GAB2: variants seen among roughly 807,000 people sequenced by gnomAD.
GAB2 encodes GRB2 associated binding protein 2.
Under a neutral mutation model 65.5 loss-of-function variants are expected in GAB2, and 26 were observed. That is an observed-to-expected ratio of 0.40 (90% confidence interval 0.29 to 0.55). The LOEUF is 0.55. Among genes scored for constraint, GAB2 ranks in the 20% least tolerant of loss-of-function variants. The pLI is 0.53. For synonymous variants in GAB2, 321 were observed against 329.6 expected (o/e 0.97, Z 0.28); for missense variants, 884 against 875.8 (o/e 1.01, Z -0.12).
chr11:78,363,209 C>A (rs944686616), intron 1 of GAB2, among the ~76,000 whole-genome samples: 1 of 152,184 alleles, frequency 6.6e-6, no homozygotes, highest in Non-Finnish European at 1.5e-5. Context: ...TATTCAAACA[C>A]AGAAATGAGA....
chr11:78,279,070 T>C (rs1044792501), intron 2 of GAB2, among the ~76,000 whole-genome samples: 1 of 152,060 alleles, frequency 6.6e-6, no homozygotes, highest in Non-Finnish European at 1.5e-5. Context: ...ATGAAACCTA[T>C]AAATGACAAA....
chr11:78,318,380 A>AAAAAAAAAAT, intron 1 of GAB2, among the ~76,000 whole-genome samples: 1 of 148,360 alleles, frequency 6.7e-6, no homozygotes, highest in Admixed American at 6.7e-5. Flanking sequence ...AAAAAAAAAA[A>AAAAAAAAAAT]AAAAAAGCTG....
chr11:78,320,374 T>C (rs867078615), intron 1 of GAB2, among the ~76,000 whole-genome samples: 6 of 152,166 alleles, frequency 3.9e-5, no homozygotes, highest in Middle Eastern at 6.8e-3. Context: ...ATCAATATTA[T>C]GATCAAGGAA....
chr11:78,299,463 T>G (rs984649001), intron 1 of GAB2, among the ~76,000 whole-genome samples: 2 of 152,200 alleles, frequency 1.3e-5, no homozygotes, highest in Non-Finnish European at 2.9e-5. Context: ...CACATGAACA[T>G]GCGCACAAAG....
At chr11:78,382,908 CT>C (rs1856716238) in intron 1 of GAB2, among the ~76,000 whole-genome samples, 1 of 152,204 alleles carries the variant, frequency 6.6e-6, no homozygotes, top group South Asian at 2.1e-4. Context: ...GATAGAGGTT[CT>C]GGCCTCTCAG....
intron 1 of GAB2, among the ~76,000 whole-genome samples, chr11:78,347,785 TG>T (rs1401535781): frequency 4.6e-5 from 7 of 152,164 alleles, no homozygotes; most frequent in Non-Finnish European, 7.4e-5. Context: ...TCAAAGCTTT[TG>T]TTCCTCAAAT....
chr11:78,306,975 G>T (rs530891757), intron 1 of GAB2, among the ~76,000 whole-genome samples: 11 of 152,262 alleles, frequency 7.2e-5, no homozygotes, highest in African/African-American at 2.6e-4. Flanking sequence ...TTTTGAACAT[G>T]TATCTCTCAC....
intron 1 of GAB2, among the ~76,000 whole-genome samples, chr11:78,314,719 C>T (rs1268014740): frequency 6.6e-6 from 1 of 152,156 alleles, no homozygotes; most frequent in Non-Finnish European, 1.5e-5. Flanking sequence ...TACTTTAAAT[C>T]CCGGAAGGTA....
chr11:78,404,597 C>G (rs954696264), intron 1 of GAB2, among the ~76,000 whole-genome samples: 2 of 152,208 alleles, frequency 1.3e-5, no homozygotes, highest in Admixed American at 1.3e-4. Context: ...TGAAATCCTG[C>G]CATTCGTGGC....
intron 1 of GAB2, among the ~76,000 whole-genome samples, chr11:78,377,322 T>A (rs1454044566): frequency 6.6e-6 from 1 of 152,184 alleles, no homozygotes; most frequent in Non-Finnish European, 1.5e-5. Flanking sequence ...GCTGCCTTCT[T>A]GCTGTGTCCT....
chr11:78,336,504 CTT>C, intron 1 of GAB2, among the ~76,000 whole-genome samples: 1 of 120,482 alleles, frequency 8.3e-6, no homozygotes. Context: ...TTGGTGAAGT[CTT>C]TAGGTTTTTC....
intron 2 of GAB2, among the ~76,000 whole-genome samples, chr11:78,267,459 G>A (rs1036781150): frequency 1.5e-4 from 23 of 152,130 alleles, no homozygotes; most frequent in African/African-American, 4.1e-4. Flanking sequence ...TTTAGAAATG[G>A]ACACATGGGG....
At chr11:78,321,370 A>G (rs1284980051) in intron 1 of GAB2, among the ~76,000 whole-genome samples, 1 of 152,100 alleles carries the variant, frequency 6.6e-6, no homozygotes, top group African/African-American at 2.4e-5. Context: ...GCTTACCTCT[A>G]TTACCGATGG....
At chr11:78,220,197 G>A in intron 9 of GAB2, 122 bp downstream of exon 9, 1 of 958,402 alleles carries the variant, frequency 1.0e-6, no homozygotes. Flanking sequence ...ATAAAAGCTG[G>A]GTACTGGAGC....
chr11:78,220,179 G>T (rs1308210240), intron 9 of GAB2, 140 bp downstream of exon 9: 3 of 805,142 alleles, frequency 3.7e-6, no homozygotes, highest in Non-Finnish European at 6.0e-6. Flanking sequence ...TATGACTAAA[G>T]ATGCATCATA....
At chr11:78,352,775 T>A (rs1437362178) in intron 1 of GAB2, among the ~76,000 whole-genome samples, 1 of 152,190 alleles carries the variant, frequency 6.6e-6, no homozygotes. Context: ...CCTGGTGACA[T>A]GCTTGAGCCA....
At chr11:78,223,746 T>C (rs1279400173) in intron 5 of GAB2, 70 bp from the exon 6 acceptor site, 1 of 1,314,444 alleles carries the variant, frequency 7.6e-7, no homozygotes, top group Non-Finnish European at 1.1e-6. Flanking sequence ...GGTAAGACTT[T>C]GTAAATGAGG....
At chr11:78,307,330 A>T (rs1425907271) in intron 1 of GAB2, among the ~76,000 whole-genome samples, 1 of 152,188 alleles carries the variant, frequency 6.6e-6, no homozygotes, top group Non-Finnish European at 1.5e-5. Flanking sequence ...TTAAAAAAAA[A>T]TTTAAGGTAA....
chr11:78,307,603 T>TGAGAGAGAGAGAGAGAGAGA (rs1855391664), intron 1 of GAB2, among the ~76,000 whole-genome samples: 8 of 83,316 alleles, frequency 9.6e-5, no homozygotes, highest in Non-Finnish European at 1.3e-4. Flanking sequence ...ACAAAAAATG[T>TGAGAGAGAGAGAGAGAGAGA]TAGAGAGAGA....
Sources: gnomAD v4.1 joint callset for allele counts (sites outside exome capture counted in the v4.1 genomes callset) on GRCh38, gnomAD v4.1.1 for gene constraint, MANE v1.5 for transcripts, NCBI Gene and HGNC (gene_info 2026-07-23, HGNC 2026-07-21) for gene names.